Variants in PHKB observed in about 807,000 individuals in gnomAD.
PHKB encodes the protein phosphorylase b kinase regulatory subunit beta.
A neutral mutation model predicts 152.1 loss-of-function variants in PHKB; 122 were observed. The observed-to-expected ratio is 0.80, with a 90% CI of 0.69 to 0.93. PHKB has a LOEUF of 0.93. Among genes scored for constraint, PHKB ranks in the 40% least tolerant of loss-of-function variants. The probability of loss-of-function intolerance (pLI) is 0.00; values close to 1 mark genes in which losing one functional copy is unlikely to be tolerated. For synonymous variants in PHKB, 436 were observed against 464.9 expected, an observed-to-expected ratio of 0.94 and a Z score of 0.80; for missense variants, 1,304 against 1,328.4, an observed-to-expected ratio of 0.98 and a Z score of 0.29.
At chr16:47,659,860 ATTTAT>A (rs1181619123) in intron 20 of PHKB, among the ~76,000 whole-genome samples, 1 of 151,988 alleles carries the variant, frequency 6.6e-6, no homozygotes, top group African/African-American at 2.4e-5. Context: ...ATTTTATTTT[ATTTAT>A]TTATTTATTT....
intron 13 of PHKB, among the ~76,000 whole-genome samples, chr16:47,604,963 C>T (rs1182715800): frequency 6.6e-6 from 1 of 152,016 alleles, no homozygotes; most frequent in African/African-American, 2.4e-5. Context: ...GATATAAGTT[C>T]TTTCAGGATT....
At position 47,689,157 on chromosome 16, in the gene PHKB, A is replaced by G; in HGVS notation, c.2747A>G (p.Gln916Arg). Reference sequence around the variant, plus strand: ...AAACAGCTTCTGCTGGATATTCTGCAGCCTCAACAGAATGGAAGGTAATAA... The same window carrying G: ...AAACAGCTTCTGCTGGATATTCTGCGGCCTCAACAGAATGGAAGGTAATAA... ...EVKQLLLDIL[Q>R]PQQNGRCWLN... The change falls in exon 27 of 31, where the codon CAG becomes CGG. Residue 916 changes from glutamine (Q) to arginine (R), a missense_variant. Gln to Arg is a conservative substitution (Grantham distance 43). Transcript: ENST00000323584. 1 of 1,614,056 alleles carries G rather than the reference A, an allele frequency of 6.2e-7. No homozygotes were observed. The highest frequency in any genetic ancestry group is 8.5e-7 in the Non-Finnish European group (1 of 1,179,904).
intron 1 of PHKB, among the ~76,000 whole-genome samples, chr16:47,466,747 G>T (rs1242551802): frequency 6.6e-6 from 1 of 151,962 alleles, no homozygotes; most frequent in Non-Finnish European, 1.5e-5. Context: ...AATTGTATAT[G>T]CCTGATATTG....
At chr16:47,559,923 C>T (rs1971447211) in intron 7 of PHKB, among the ~76,000 whole-genome samples, 1 of 152,080 alleles carries the variant, frequency 6.6e-6, no homozygotes, top group Non-Finnish European at 1.5e-5. Flanking sequence ...TTATTTCTCT[C>T]CAAAAAAAAC....
intron 6 of PHKB, among the ~76,000 whole-genome samples, chr16:47,543,324 A>G (rs1971096733): frequency 1.3e-5 from 2 of 152,146 alleles, no homozygotes; most frequent in African/African-American, 4.8e-5. Flanking sequence ...CATGTATTGA[A>G]CCAGCCTTGC....
chr16:47,514,712 A>G (rs1970567318), intron 5 of PHKB, among the ~76,000 whole-genome samples: 1 of 152,140 alleles, frequency 6.6e-6, no homozygotes, highest in Admixed American at 6.5e-5. Flanking sequence ...TTGACACCTA[A>G]AATGAACCAC....
At chr16:47,652,851 C>T (rs1185729671) in intron 20 of PHKB, among the ~76,000 whole-genome samples, 1 of 152,162 alleles carries the variant, frequency 6.6e-6, no homozygotes, top group African/African-American at 2.4e-5. Flanking sequence ...CTATGTTGCC[C>T]AGGCTGGTCT....
intron 1 of PHKB, among the ~76,000 whole-genome samples, chr16:47,485,151 T>C (rs1002478473): frequency 1.3e-5 from 2 of 152,346 alleles, no homozygotes; most frequent in Admixed American, 6.5e-5. Context: ...CCTTAAACTG[T>C]CTTAACATAC....
At position 47,699,514 on chromosome 16, in the gene PHKB, T is replaced by TG; in HGVS notation, c.*149dup. 5 of 863,786 alleles carry TG rather than the reference T, an allele frequency of 5.8e-6. No homozygotes were observed. The highest frequency in any genetic ancestry group is 2.7e-5 in the South Asian group (2 of 74,640). The allele number at this position is 863,786 out of a possible 1,614,324, so 53.5% of individuals were successfully genotyped here. A position where few individuals can be genotyped will look rare whatever the true frequency, so the allele number is the denominator to read the frequency against. ...ATCCTTGGCGGGGTTATGGACCTCT[T>TG]GCATGTCATAGCCAATCTAACGGTA... On this transcript the variant is annotated 3_prime_UTR_variant, in exon 31 of 31. Transcript: ENST00000323584.
intron 14 of PHKB, among the ~76,000 whole-genome samples, chr16:47,620,955 T>C (rs1304187881): frequency 2.0e-5 from 3 of 152,238 alleles, no homozygotes; most frequent in Non-Finnish European, 2.9e-5. Context: ...TAAAATGGTA[T>C]AAAGTGTAAA....
intron 6 of PHKB, among the ~76,000 whole-genome samples, chr16:47,540,407 A>G (rs1047548049): frequency 6.6e-6 from 1 of 152,136 alleles, no homozygotes; most frequent in African/African-American, 2.4e-5. Flanking sequence ...CCTCAGAAGC[A>G]TGTGATCTTT....
rs1395804236 is a variant in PHKB, at chr16:47,503,183, C to T, written c.405+93C>T. ...ATGGTTTCTTCTGAAGAAGAATGTA[C>T]TTTTCAAAGGGAAAGCCACATCCTA... On this transcript the variant is annotated intron_variant, in intron 4 of 30. Coordinates refer to ENST00000323584, the MANE Select transcript of PHKB (RefSeq NM_000293.3). 2.5e-5 allele frequency: 23 copies of T among 930,000 alleles called. 1 individual carries two copies. Among genetic ancestry groups the T allele is most frequent in the Non-Finnish European group, 4.0e-5 (23 of 581,060 alleles). The allele number at this position is 930,000 out of a possible 1,614,324, so 57.6% of individuals were successfully genotyped here.
At chr16:47,484,405 C>A (rs766039190) in intron 1 of PHKB, among the ~76,000 whole-genome samples, 2 of 151,950 alleles carry the variant, frequency 1.3e-5, no homozygotes, top group African/African-American at 4.8e-5. Context: ...CATGGAGAAA[C>A]GTAGACTCTA....
At chr16:47,560,763 AAG>A (rs1158483422) in intron 7 of PHKB, among the ~76,000 whole-genome samples, 3 of 152,222 alleles carry the variant, frequency 2.0e-5, no homozygotes, top group African/African-American at 7.2e-5. Flanking sequence ...ATTAATATGA[AAG>A]AGATCAAAGA....
chr16:47,518,392 T>C (rs957204651), intron 6 of PHKB, among the ~76,000 whole-genome samples: 5 of 152,216 alleles, frequency 3.3e-5, no homozygotes, highest in African/African-American at 1.2e-4. Flanking sequence ...TCTGTTGTTT[T>C]TATAAAATTT....
intron 25 of PHKB, chr16:47,665,866 T>A (rs1190994742): frequency 3.1e-6 from 3 of 967,662 alleles, no homozygotes; most frequent in Non-Finnish European, 5.1e-6. Flanking sequence ...TTTTAAAGAC[T>A]ACCCAATCAG....
At chr16:47,688,727 G>T (rs1255262695) in intron 26 of PHKB, among the ~76,000 whole-genome samples, 2 of 142,950 alleles carry the variant, frequency 1.4e-5, no homozygotes, top group Admixed American at 1.5e-4. Context: ...AGAAAATACA[G>T]TGTAGCAGCT....
At chr16:47,644,720 TA>T (rs1468967981) in intron 16 of PHKB, among the ~76,000 whole-genome samples, 1 of 152,022 alleles carries the variant, frequency 6.6e-6, no homozygotes. Context: ...AGCACTAGAA[TA>T]AAAAAATAAG....
chr16:47,517,571 A>G (rs1970619422), intron 6 of PHKB, among the ~76,000 whole-genome samples: 1 of 152,082 alleles, frequency 6.6e-6, no homozygotes, highest in South Asian at 2.1e-4. Context: ...TTAGTAATTT[A>G]TTTTTAATTG....
Sources: gnomAD v4.1 joint callset for allele counts (sites outside exome capture counted in the v4.1 genomes callset) on GRCh38, gnomAD v4.1.1 for gene constraint, MANE v1.5 for transcripts, NCBI Gene and HGNC (gene_info 2026-07-23, HGNC 2026-07-21) for gene names.